The following SMIM41 variants were observed in gnomAD, a reference collection of about 807,000 sequenced individuals.
The protein encoded by SMIM41 is small integral membrane protein 41.
At chr12:52,080,592 C>T (rs1939803933) in intron 1 of SMIM41, among the ~76,000 whole-genome samples, 1 of 152,190 alleles carries the variant, frequency 6.6e-6, no homozygotes, top group Admixed American at 6.5e-5. Flanking sequence ...CCATGGTCTG[C>T]ATCTGCCCCA....
In SMIM41 at chr12:52,079,726, T is replaced by C. The variant is rs1308826944; in HGVS notation, c.-54T>C. 2 of 391,304 alleles carry C rather than the reference T, an allele frequency of 5.1e-6. No individual in the cohort carries two copies. The highest frequency in any genetic ancestry group is 3.6e-5 in the East Asian group (1 of 27,476). The allele number at this position is 391,304 out of a possible 1,614,324, so 24.2% of individuals were successfully genotyped here. On this transcript the variant is annotated 5_prime_UTR_variant, in exon 1 of 3. Coordinates refer to ENST00000546390, the MANE Select transcript of SMIM41 (RefSeq NM_001369216.1). ...GCAGCCGCCGGCCCGCCCGCCAGTC[T>C]GGGCTCCTGCACATCTGGCGATCCC...
At chr12:52,089,906 A>G (rs1054683774) in intron 2 of SMIM41, among the ~76,000 whole-genome samples, 7 of 152,262 alleles carry the variant, frequency 4.6e-5, no homozygotes, top group Admixed American at 1.3e-4. Flanking sequence ...TCACATCCTG[A>G]AGTACTCAGG....
chr12:52,080,995 C>T (rs1241811010), intron 1 of SMIM41, among the ~76,000 whole-genome samples: 1 of 152,008 alleles, frequency 6.6e-6, no homozygotes, highest in African/African-American at 2.4e-5. Context: ...GAGCGCTGCT[C>T]CGGGAAGTGG....
At chr12:52,099,077 T>TATC (rs1245641603) in intron 2 of SMIM41, among the ~76,000 whole-genome samples, 2 of 151,630 alleles carry the variant, frequency 1.3e-5, no homozygotes, top group Non-Finnish European at 2.9e-5. Flanking sequence ...TTGGGAGTAG[T>TATC]ATCCTCTCTC....
At chr12:52,100,622 A>ATTTTTTTTTTTT (rs1173057236) in intron 2 of SMIM41, among the ~76,000 whole-genome samples, 211 of 111,072 alleles carry the variant, frequency 1.9e-3, no homozygotes, top group Middle Eastern at 6.5e-3. Flanking sequence ...GCGCCCAGCT[A>ATTTTTTTTTTTT]TTTTTTTTTT....
Position 52,079,836 on chromosome 12 carries a change from TA to T in SMIM41, c.59del (p.Asn20ThrfsTer46). The stretch of plus-strand genomic sequence containing the variant: ...AGGCCGCCTGGCTGAGCTCCTGCTG[TA>T]ACCAGTCGGCGTCGCCGCCGGAGCC... ...AQAAWLSSCC[N>X]QSASPPEPPE... On this transcript the variant is annotated frameshift_variant, in exon 1 of 3. Transcript: ENST00000546390. LOFTEE classifies it high-confidence loss of function. 1 of 393,774 alleles carries T rather than the reference TA, an allele frequency of 2.5e-6. No homozygotes were observed. Among genetic ancestry groups the T allele is most frequent in the East Asian group, 3.6e-5 (1 of 27,632 alleles). The allele number at this position is 393,774 out of a possible 1,614,324, so 24.4% of individuals were successfully genotyped here. A position where few individuals can be genotyped will look rare whatever the true frequency, so the allele number is the denominator to read the frequency against.
At chr12:52,103,101 G>A (rs1322857725) in intron 2 of SMIM41, among the ~76,000 whole-genome samples, 1 of 152,132 alleles carries the variant, frequency 6.6e-6, no homozygotes, top group Non-Finnish European at 1.5e-5. Flanking sequence ...CGAGGTGGGA[G>A]GATCACCTGA....
At position 52,080,067 on chromosome 12, in the gene SMIM41, C is replaced by T. The variant is rs573294820; in HGVS notation, c.*6C>T. 319 of 359,902 alleles carry T rather than the reference C, an allele frequency of 8.9e-4. No individual in the cohort carries two copies. The highest frequency in any genetic ancestry group is 7.4e-3 in the Middle Eastern group (10 of 1,352). 22.3% of individuals were successfully genotyped at this position (359,902 alleles called of 1,614,324 possible). ...ACGGCGACGACGACTCCTAGGCGCC[C>T]GGCTGCGCTCGGTGGTCGCGGCCTC... is the stretch of plus-strand genomic sequence containing the variant. On this transcript the variant is annotated 3_prime_UTR_variant, in exon 1 of 3. Transcript: ENST00000546390.
Position 52,108,210 on chromosome 12 carries a change from C to A in SMIM41, c.*1027C>A. 1 of 192,314 alleles carries A rather than the reference C, an allele frequency of 5.2e-6. No homozygotes were observed. The highest frequency in any genetic ancestry group is 1.1e-5 in the Non-Finnish European group (1 of 93,786). 11.9% of individuals were successfully genotyped at this position (192,314 alleles called of 1,614,324 possible). ...CATGCTCAACCCCTTTATCTACAGCCTGGGAAACAGGGATATTAAAAGTGT... is the reference window on the plus strand; with the variant it reads ...CATGCTCAACCCCTTTATCTACAGCATGGGAAACAGGGATATTAAAAGTGT... On this transcript the variant is annotated 3_prime_UTR_variant, in exon 3 of 3. Transcript: ENST00000546390.
intron 1 of SMIM41, among the ~76,000 whole-genome samples, 168 bp from the exon 2 acceptor site, chr12:52,083,725 AT>A (rs1404618452): frequency 6.6e-6 from 1 of 152,240 alleles, no homozygotes; most frequent in Non-Finnish European, 1.5e-5. Context: ...GGAATTCTAG[AT>A]TGCAAAACTT....
intron 2 of SMIM41, among the ~76,000 whole-genome samples, chr12:52,089,568 G>A (rs1232602773): frequency 1.3e-5 from 2 of 151,818 alleles, no homozygotes; most frequent in Non-Finnish European, 2.9e-5. Context: ...ACTCCAACCC[G>A]GGCAACAGAG....
intron 2 of SMIM41, among the ~76,000 whole-genome samples, chr12:52,098,942 G>A (rs553034578): frequency 2.0e-5 from 3 of 151,480 alleles, no homozygotes; most frequent in South Asian, 2.1e-4. Context: ...ATCCTCTTTC[G>A]CTCTGGATAT....
intron 2 of SMIM41, among the ~76,000 whole-genome samples, chr12:52,085,897 G>A (rs1315472618): frequency 6.6e-6 from 1 of 152,204 alleles, no homozygotes; most frequent in Non-Finnish European, 1.5e-5. Flanking sequence ...GCAGACAGGC[G>A]GCTGATGAGC....
intron 2 of SMIM41, chr12:52,087,629 C>T (rs979122746): frequency 6.6e-6 from 1 of 152,326 alleles, no homozygotes; most frequent in African/African-American, 2.4e-5. Context: ...AAGGATGAGA[C>T]TTTGGATTCC....
intron 2 of SMIM41, among the ~76,000 whole-genome samples, chr12:52,089,175 G>A (rs1939942108): frequency 6.6e-6 from 1 of 152,068 alleles, no homozygotes. Flanking sequence ...TGGTGTATTA[G>A]CTCCTGGGGC....
chr12:52,083,238 C>T (rs764974274), intron 1 of SMIM41, among the ~76,000 whole-genome samples: 23 of 152,016 alleles, frequency 1.5e-4, no homozygotes, highest in Non-Finnish European at 2.8e-4. Context: ...GAGGCAGCAA[C>T]GGTCTGACAG....
chr12:52,083,470 C>T (rs1461858332), intron 1 of SMIM41, among the ~76,000 whole-genome samples: 1 of 152,216 alleles, frequency 6.6e-6, no homozygotes, highest in Non-Finnish European at 1.5e-5. Flanking sequence ...GCAACCCCAG[C>T]CCCTGTCCCC....
intron 2 of SMIM41, among the ~76,000 whole-genome samples, chr12:52,095,554 C>G (rs1224939458): frequency 6.6e-6 from 1 of 152,098 alleles, no homozygotes; most frequent in Non-Finnish European, 1.5e-5. Flanking sequence ...CTACCCCCAG[C>G]GGCATTGGGT....
chr12:52,083,146 T>C (rs1435887897), intron 1 of SMIM41, among the ~76,000 whole-genome samples: 1 of 152,158 alleles, frequency 6.6e-6, no homozygotes, highest in Non-Finnish European at 1.5e-5. Flanking sequence ...ACATCCTGGA[T>C]GCCTGGTGCA....
Sources: allele counts gnomAD v4.1 joint callset (sites outside exome capture counted in the v4.1 genomes callset), GRCh38; gene constraint gnomAD v4.1.1; transcripts MANE v1.5; gene names NCBI Gene and HGNC (gene_info 2026-07-23, HGNC 2026-07-21).